LRRIQ1: variants seen among roughly 807,000 people sequenced by gnomAD.
LRRIQ1 encodes the protein leucine-rich repeat- and IQ domain-containing protein 1.
Under a neutral mutation model 211.9 loss-of-function variants are expected in LRRIQ1, and 210 were observed. The ratio of observed to expected loss-of-function variants is 0.99; its 90% CI spans 0.89 to 1.11. The LOEUF (loss-of-function observed/expected upper bound fraction) is 1.11. Among genes scored for constraint, LRRIQ1 ranks in the 50% most tolerant of loss-of-function variants. The pLI, the probability that LRRIQ1 is intolerant of heterozygous loss-of-function variation, is 0.00. For missense variants in LRRIQ1, 2,136 were observed against 1,939.5 expected (o/e 1.10, Z -1.90); for synonymous variants, 699 against 650.1 (o/e 1.08, Z -1.14).
intron 24 of LRRIQ1, among the ~76,000 whole-genome samples, chr12:85,211,829 T>A (rs1893851262): frequency 6.6e-6 from 1 of 152,236 alleles, no homozygotes. Flanking sequence ...TTTAATAATA[T>A]ATTTCTTTCC....
chr12:85,189,966 CAT>C (rs1313303309), intron 24 of LRRIQ1, among the ~76,000 whole-genome samples: 9 of 138,538 alleles, frequency 6.5e-5, no homozygotes, highest in African/African-American at 1.6e-4. Flanking sequence ...TAATATGTAA[CAT>C]ATAGTAATAT....
chr12:85,138,975 A>G (rs1015785139), intron 19 of LRRIQ1, among the ~76,000 whole-genome samples: 1 of 151,216 alleles, frequency 6.6e-6, no homozygotes, highest in African/African-American at 2.4e-5. Flanking sequence ...GCCAAGGCTC[A>G]TGAGGAGTGA....
At chr12:85,166,490 C>T (rs1041170292) in intron 24 of LRRIQ1, among the ~76,000 whole-genome samples, 5 of 152,136 alleles carry the variant, frequency 3.3e-5, no homozygotes, top group Admixed American at 6.5e-5. Context: ...CCTATAACTT[C>T]TATAATTTTT....
downstream of LRRIQ1, among the ~76,000 whole-genome samples, chr12:85,247,883 C>T (rs1455122367): frequency 5.3e-5 from 8 of 151,682 alleles, no homozygotes; most frequent in East Asian, 1.4e-3. Flanking sequence ...AATGTTCTGT[C>T]CCTTTCCTTT....
intron 24 of LRRIQ1, among the ~76,000 whole-genome samples, chr12:85,219,619 G>C (rs948260162): frequency 3.3e-5 from 5 of 151,842 alleles, no homozygotes; most frequent in African/African-American, 1.2e-4. Flanking sequence ...ATAAAATATA[G>C]TGAAATATGT....
chr12:85,155,845 A>G (rs1055176289), intron 23 of LRRIQ1, among the ~76,000 whole-genome samples: 14 of 151,698 alleles, frequency 9.2e-5, no homozygotes, highest in African/African-American at 2.7e-4. Context: ...GGGTGAGAAC[A>G]TTTTTTATAA....
At chr12:85,087,425 G>A (rs1373773297) in intron 11 of LRRIQ1, among the ~76,000 whole-genome samples, 2 of 152,166 alleles carry the variant, frequency 1.3e-5, no homozygotes, top group Admixed American at 6.5e-5. Flanking sequence ...TGTCTTTATA[G>A]CAGCATGATT....
intron 15 of LRRIQ1, among the ~76,000 whole-genome samples, chr12:85,113,627 C>T (rs1160264075): frequency 6.6e-6 from 1 of 151,966 alleles, no homozygotes; most frequent in East Asian, 1.9e-4. Context: ...GTTTCTGCCC[C>T]CCTCCGCCAA....
intron 24 of LRRIQ1, among the ~76,000 whole-genome samples, chr12:85,191,973 T>C (rs1892535180): frequency 6.6e-6 from 1 of 151,974 alleles, no homozygotes; most frequent in East Asian, 1.9e-4. Context: ...TTGTTCGTTT[T>C]CTAATTGTTG....
At chr12:85,096,894 C>A (rs979730529) in intron 11 of LRRIQ1, among the ~76,000 whole-genome samples, 1 of 151,998 alleles carries the variant, frequency 6.6e-6, no homozygotes. Flanking sequence ...TGGATTAAAC[C>A]GTTTATCATT....
rs187328060 is a variant in LRRIQ1 at position 85,156,833 on chromosome 12, G to A, written c.4720+2739G>A. Among the ~76,000 whole-genome samples, 113 of 151,722 alleles carry A rather than the reference G, an allele frequency of 7.4e-4. 1 individual carries two copies. Among genetic ancestry groups the A allele is most frequent in the Admixed American group, 2.4e-3 (37 of 15,144 alleles). Reference sequence around the variant, plus strand: ...CGGGAGTGGGGAGCATGGCAGGAGGGGTGTCAGAGAATACAAACAATTAAT... The same window carrying A: ...CGGGAGTGGGGAGCATGGCAGGAGGAGTGTCAGAGAATACAAACAATTAAT... On this transcript the variant is annotated intron_variant, in intron 23 of 26. Transcript: ENST00000393217.
chr12:85,036,956 A>G (rs2135840165), intron 1 of LRRIQ1, among the ~76,000 whole-genome samples: 1 of 152,090 alleles, frequency 6.6e-6, no homozygotes, highest in South Asian at 2.1e-4. Flanking sequence ...ATATACAGTA[A>G]CCACTAACTG....
At chr12:85,139,632 A>G (rs546868304) in intron 19 of LRRIQ1, among the ~76,000 whole-genome samples, 7 of 151,430 alleles carry the variant, frequency 4.6e-5, no homozygotes, top group Non-Finnish European at 8.9e-5. Context: ...TCTCCAAATT[A>G]CACTGCAATA....
chr12:85,176,772 A>C (rs1157293769), intron 24 of LRRIQ1, among the ~76,000 whole-genome samples: 1 of 151,966 alleles, frequency 6.6e-6, no homozygotes, highest in Admixed American at 6.6e-5. Context: ...TAAAAAAAAT[A>C]AGAATTTTAG....
intron 19 of LRRIQ1, among the ~76,000 whole-genome samples, chr12:85,148,159 CT>C (rs1001024105): frequency 5.4e-5 from 8 of 148,882 alleles, no homozygotes; most frequent in African/African-American, 9.9e-5. Context: ...AGAAGGCTTT[CT>C]TTTTTTTTTA....
chr12:85,249,981 A>AT (rs892807785), downstream of LRRIQ1, among the ~76,000 whole-genome samples: 18 of 149,650 alleles, frequency 1.2e-4, no homozygotes, highest in South Asian at 6.3e-4. Context: ...TGTTGTACTA[A>AT]TTTTTTTTTT....
downstream of LRRIQ1, among the ~76,000 whole-genome samples, chr12:85,245,317 A>T (rs76816864): frequency 0.024 from 3,589 of 151,222 alleles, 59 homozygotes; most frequent in Non-Finnish European, 0.039. Flanking sequence ...TCCAAAGATA[A>T]TTTTTTTAAA....
intron 11 of LRRIQ1, among the ~76,000 whole-genome samples, chr12:85,082,536 T>G (rs945628513): frequency 1.3e-5 from 2 of 152,202 alleles, no homozygotes; most frequent in African/African-American, 4.8e-5. Flanking sequence ...GATATATTTA[T>G]TTTTATATCC....
At chr12:85,044,566 TTAA>T (rs1478696896) in intron 3 of LRRIQ1, 149 bp from the exon 4 acceptor site, 1 of 374,066 alleles carries the variant, frequency 2.7e-6, no homozygotes, top group African/African-American at 2.1e-5. Context: ...TTGTTTATTC[TTAA>T]TAATTTTTCT....
Sources: allele counts gnomAD v4.1 joint callset (sites outside exome capture counted in the v4.1 genomes callset), GRCh38; gene constraint gnomAD v4.1.1; transcripts MANE v1.5; gene names NCBI Gene and HGNC (gene_info 2026-07-23, HGNC 2026-07-21).